The following SLC35G1 variants were observed in gnomAD, a reference collection of about 807,000 sequenced individuals.
The protein encoded by SLC35G1 is partner of STIM1.
SLC35G1 carries 10 observed loss-of-function variants against 17.1 expected under a neutral mutation model. That is an observed-to-expected ratio of 0.59 (90% CI 0.36 to 0.99). The LOEUF (loss-of-function observed/expected upper bound fraction) is 0.99. SLC35G1 is among the 50% of genes least tolerant of loss of function. The pLI is 0.01. For synonymous variants in SLC35G1, 185 were observed against 181.1 expected (o/e 1.02, Z -0.18); for missense variants, 433 against 468.4 (o/e 0.92, Z 0.70).
Position 93,901,520 on chromosome 10 carries a change from CAAG to C in SLC35G1, c.*31_*33del. The C allele has an allele frequency of 6.5e-7, 1 of 1,550,306 alleles. No homozygotes were observed. ...TCATTGCTGAAATACATATTTTTTTCAAGTACACCATCACCTAATTCACATACA... is the reference window on the plus strand; with the variant it reads ...TCATTGCTGAAATACATATTTTTTTCTACACCATCACCTAATTCACATACA... On this transcript the variant is annotated 3_prime_UTR_variant, in exon 3 of 3. Coordinates refer to ENST00000427197, the MANE Select transcript of SLC35G1 (RefSeq NM_001134658.3).
Position 93,903,093 on chromosome 10 carries a change from G to A in SLC35G1, c.*1603G>A, listed in dbSNP as rs956490117. ...AGCAAAGAGGAACTTGGCTTCTGGG[G>A]TTCGTGCCTTAGTGAGAAAGAATCT... On this transcript the variant is annotated 3_prime_UTR_variant, in exon 3 of 3. Transcript: ENST00000427197. 6 of 152,122 alleles carry A rather than the reference G, an allele frequency of 3.9e-5. No homozygotes were observed. The highest frequency in any genetic ancestry group is 8.8e-5 in the Non-Finnish European group (6 of 68,036). 9.4% of individuals were successfully genotyped at this position (152,122 alleles called of 1,614,324 possible).
intron 1 of SLC35G1, among the ~76,000 whole-genome samples, chr10:93,896,677 C>G (rs2060333733): frequency 6.6e-6 from 1 of 152,060 alleles, no homozygotes; most frequent in Admixed American, 6.6e-5. Flanking sequence ...AAGCATGAGC[C>G]TTAAGTGTTT....
Position 93,901,252 on chromosome 10 carries a change from T to G in SLC35G1, c.860T>G (p.Phe287Cys). ...CCTTACTGTGGGTTGGACAGGCTAT[T>G]TCTCATATTCATTGGGCTCTTTGGT... is the stretch of plus-strand genomic sequence containing the variant. Reference protein sequence around the residue: ...SLPYCGLDRLFLIFIGLFGLG... With the variant: ...SLPYCGLDRLCLIFIGLFGLG... The change falls in exon 3 of 3, where the codon TTT becomes TGT. Residue 287 changes from phenylalanine (F) to cysteine (C), a missense_variant. Coordinates refer to ENST00000427197, the MANE Select transcript of SLC35G1 (RefSeq NM_001134658.3). 1 of 1,613,910 alleles carries G rather than the reference T, an allele frequency of 6.2e-7. No homozygotes were observed. Among genetic ancestry groups the G allele is most frequent in the South Asian group, 1.1e-5 (1 of 91,066 alleles).
downstream of SLC35G1, chr10:93,907,604 A>G (rs1026981034): frequency 8.5e-5 from 13 of 152,198 alleles, no homozygotes; most frequent in African/African-American, 3.1e-4. Flanking sequence ...TGAAAAAGCA[A>G]AATTCATATC....
chr10:93,898,666 G>T lies in SLC35G1; in HGVS notation c.274G>T (p.Val92Leu), dbSNP rs1564591333. ...FSVGSLFVKK[V>L]QDVHAVEISA... ...AGTGGGCTCTTTATTTGTTAAAAAAGTGCAAGACGTCCATGCTGTAGAGAT... is the reference window on the plus strand; with the variant it reads ...AGTGGGCTCTTTATTTGTTAAAAAATTGCAAGACGTCCATGCTGTAGAGAT... Residue 92 changes from valine (V) to leucine (L), a missense_variant, in exon 2 of 3, where the codon GTG becomes TTG. Coordinates refer to ENST00000427197, the MANE Select transcript of SLC35G1 (RefSeq NM_001134658.3). 6.2e-7 allele frequency: 1 copy of T among 1,613,880 alleles called. No homozygotes were observed. The highest frequency in any genetic ancestry group is 8.5e-7 in the Non-Finnish European group (1 of 1,179,914).
At chr10:93,894,601 C>T (rs903304513) in intron 1 of SLC35G1, among the ~76,000 whole-genome samples, 1 of 151,970 alleles carries the variant, frequency 6.6e-6, no homozygotes, top group Non-Finnish European at 1.5e-5. Flanking sequence ...GAAAAGTGAT[C>T]CCGGTGGTTA....
intron 2 of SLC35G1, 103 bp downstream of exon 2, chr10:93,898,854 A>T: frequency 3.5e-6 from 4 of 1,138,200 alleles, no homozygotes; most frequent in Non-Finnish European, 4.8e-6. Context: ...TCATATACTT[A>T]CCAGTTCCTA....
chr10:93,907,646 G>C (rs1233128665), downstream of SLC35G1: 1 of 152,168 alleles, frequency 6.6e-6, no homozygotes, highest in African/African-American at 2.4e-5. Flanking sequence ...TGTATAAAAA[G>C]AGGGTAAACA....
chr10:93,906,640 A>T (rs1443691148), downstream of SLC35G1, among the ~76,000 whole-genome samples: 1 of 152,246 alleles, frequency 6.6e-6, no homozygotes, highest in Non-Finnish European at 1.5e-5. Flanking sequence ...CAAAAGAACA[A>T]AAATCAACAA....
chr10:93,894,197 C>T lies in SLC35G1; in HGVS notation c.164C>T (p.Ser55Phe), dbSNP rs1456466331. Residue 55 changes from serine (S) to phenylalanine (F), a missense_variant, in exon 1 of 3, where the codon TCC becomes TTC. By Grantham distance (155) the Ser-to-Phe change is radical. Transcript: ENST00000427197. ...CWLCLSSPCC[S>F]RTEPEAKKKA... The stretch of plus-strand genomic sequence containing the variant: ...CTCTGCCTTTCCTCGCCGTGTTGCT[C>T]CCGCACCGAGCCGGGTGAGTGCGCG... 10 of 1,410,282 alleles carry T rather than the reference C, an allele frequency of 7.1e-6. No homozygotes were observed. The highest frequency in any genetic ancestry group is 6.0e-5 in the South Asian group (4 of 66,516). The allele number at this position is 1,410,282 out of a possible 1,614,324, so 87.4% of individuals were successfully genotyped here.
At position 93,901,315 on chromosome 10, in the gene SLC35G1, T is replaced by A; in HGVS notation, c.923T>A (p.Ile308Lys). Residue 308 changes from isoleucine to lysine, a missense_variant, in exon 3 of 3, where the codon ATA becomes AAA. Coordinates refer to ENST00000427197, the MANE Select transcript of SLC35G1 (RefSeq NM_001134658.3). ...ATATTTATCACAAAAGCACTTCAAA[T>A]AGAAAAAGCAGGGCCAGTAGCAATA... ...GQIFITKALQ[I>K]EKAGPVAIMK... 6.2e-7 allele frequency: 1 copy of A among 1,613,790 alleles called. No individual in the cohort carries two copies. The highest frequency in any genetic ancestry group is 8.5e-7 in the Non-Finnish European group (1 of 1,179,902).
chr10:93,904,326 G>T (rs1046207919), downstream of SLC35G1, among the ~76,000 whole-genome samples: 1 of 152,066 alleles, frequency 6.6e-6, no homozygotes, highest in Non-Finnish European at 1.5e-5. Context: ...TGTTCCTAAA[G>T]CCCTGTTTTC....
At position 93,893,978 on chromosome 10, in the gene SLC35G1, A is replaced by C. The variant is rs543563220; in HGVS notation, c.-56A>C. ...TCGCCCGCCGGAAGAGCGGCAGCCCAGGCGCTGCTGCTGGCGCCAGACGGC... is the reference window on the plus strand; with the variant it reads ...TCGCCCGCCGGAAGAGCGGCAGCCCCGGCGCTGCTGCTGGCGCCAGACGGC... On this transcript the variant is annotated 5_prime_UTR_variant, in exon 1 of 3. Transcript: ENST00000427197. 6.8e-4 allele frequency: 888 copies of C among 1,300,048 alleles called. 2 individuals carry two copies. Among genetic ancestry groups the C allele is most frequent in the Non-Finnish European group, 8.2e-4 (836 of 1,018,890 alleles). 80.5% of individuals were successfully genotyped at this position (1,300,048 alleles called of 1,614,324 possible).
downstream of SLC35G1, among the ~76,000 whole-genome samples, chr10:93,904,948 C>T (rs971798517): frequency 3.3e-5 from 5 of 152,192 alleles, no homozygotes; most frequent in South Asian, 2.1e-4. Context: ...AAACTCCATT[C>T]GGCCCCCTCC....
chr10:93,906,196 A>G (rs1036879018), downstream of SLC35G1: 3 of 152,398 alleles, frequency 2.0e-5, no homozygotes, highest in Non-Finnish European at 2.9e-5. Flanking sequence ...AAGCAATAGC[A>G]TAATTCAGAA....
chr10:93,905,202 G>A (rs149536053), downstream of SLC35G1, among the ~76,000 whole-genome samples: 581 of 152,166 alleles, frequency 3.8e-3, 3 homozygotes, highest in African/African-American at 0.013. Flanking sequence ...TATTGCACTC[G>A]GTAAGCATAT....
At chr10:93,899,462 C>T (rs913081803) in intron 2 of SLC35G1, among the ~76,000 whole-genome samples, 2 of 152,184 alleles carry the variant, frequency 1.3e-5, no homozygotes, top group Non-Finnish European at 2.9e-5. Flanking sequence ...ATGCCTCCTT[C>T]AACCATTGTA....
chr10:93,903,276 A>C lies in SLC35G1; in HGVS notation c.*1786A>C, dbSNP rs188831227. On this transcript the variant is annotated 3_prime_UTR_variant, in exon 3 of 3. Coordinates refer to ENST00000427197, the MANE Select transcript of SLC35G1 (RefSeq NM_001134658.3). ...GACTTGCAAAAACATCATTCTGCAA[A>C]TATCTTAGATAATTACAGAATCAGG... 82 of 152,302 alleles carry C rather than the reference A, an allele frequency of 5.4e-4. 1 individual carries two copies. The highest frequency in any genetic ancestry group is 1.7e-3 in the African/African-American group (70 of 41,570). 9.4% of individuals were successfully genotyped at this position (152,302 alleles called of 1,614,324 possible).
In SLC35G1 at chr10:93,894,166, TG is replaced by T. The variant is rs1270437221; in HGVS notation, c.134del (p.Cys45SerfsTer54). 6.5e-5 allele frequency: 96 copies of T among 1,468,948 alleles called. No individual in the cohort carries two copies. The highest frequency in any genetic ancestry group is 1.8e-6 in the Non-Finnish European group (2 of 1,117,634). The allele number at this position is 1,468,948 out of a possible 1,614,324, so 91.0% of individuals were successfully genotyped here. ...EAAGAPDRGR[C>X]WLCLSSPCCS... is the part of the protein sequence containing the mutation. ...AGCTGGGGCGCCAGACCGCGGTAGG[TG>T]CTGGCTCTGCCTTTCCTCGCCGTGT... On this transcript the variant is annotated frameshift_variant, in exon 1 of 3. Coordinates refer to ENST00000427197, the MANE Select transcript of SLC35G1 (RefSeq NM_001134658.3). LOFTEE classifies it high-confidence loss of function.
Sources: gnomAD v4.1 joint callset for allele counts (sites outside exome capture counted in the v4.1 genomes callset) on GRCh38, gnomAD v4.1.1 for gene constraint, MANE v1.5 for transcripts, NCBI Gene and HGNC (gene_info 2026-07-23, HGNC 2026-07-21) for gene names.